The following GARIN5B variants were observed in gnomAD, a reference collection of about 807,000 sequenced individuals.
GARIN5B encodes the protein golgi associated RAB2 interactor family member 5B, also known as Golgi-associated RAB2 interactor protein 5B.
At chr19:55,359,543 G>A in the GARIN5B span, 1 of 1,551,460 alleles carries the variant, frequency 6.4e-7, no homozygotes, top group Non-Finnish European at 8.7e-7. Context: ...CGCAGCTGGG[G>A]CCTTCTGGGG....
At chr19:55,361,463 C>A in the GARIN5B span, 1 of 1,467,688 alleles carries the variant, frequency 6.8e-7, no homozygotes, top group Non-Finnish European at 9.0e-7. Flanking sequence ...GCAGGAGGGG[C>A]CCGGGCTTCC....
the GARIN5B span, among the ~76,000 whole-genome samples, chr19:55,356,258 T>G: frequency 6.6e-6 from 1 of 151,852 alleles, no homozygotes; most frequent in African/African-American, 2.4e-5. Flanking sequence ...TTGCCCAGGC[T>G]GCAGTGCAGT....
At chr19:55,361,235 C>T in the GARIN5B span, 2 of 1,551,018 alleles carry the variant, frequency 1.3e-6, no homozygotes, top group South Asian at 1.2e-5. Flanking sequence ...CTCAGCAACC[C>T]TGACTGGGAA....
chr19:55,359,307 AC>A, the GARIN5B span: 2 of 1,548,618 alleles, frequency 1.3e-6, no homozygotes, highest in African/African-American at 2.8e-5. Flanking sequence ...GCAGTGGGGG[AC>A]ACAGCCTTCT....
the GARIN5B span, chr19:55,362,116 CCT>C: frequency 7.9e-7 from 1 of 1,273,536 alleles, no homozygotes; most frequent in South Asian, 1.7e-5. Flanking sequence ...GCCCCCAGCC[CCT>C]CCTCCCTCTA....
chr19:55,357,391 CT>C, the GARIN5B span, among the ~76,000 whole-genome samples: 3 of 152,340 alleles, frequency 2.0e-5, no homozygotes, highest in South Asian at 6.2e-4. Flanking sequence ...GGGCGCCCCC[CT>C]GCTGCACCTC....
At chr19:55,362,380 G>A in the GARIN5B span, 6 of 1,550,438 alleles carry the variant, frequency 3.9e-6, no homozygotes, top group African/African-American at 1.4e-5. Flanking sequence ...GGAACAGGAA[G>A]CCCACCTCGT....
At chr19:55,363,192 G>C in the GARIN5B span, 3 of 1,014,334 alleles carry the variant, frequency 3.0e-6, no homozygotes, top group Non-Finnish European at 1.3e-6. This position sits in a 1 kb window ranked among gnomAD's most constrained non-coding sequence, Gnocchi z 4.0. Context: ...GTTACAGAGC[G>C]TGGAGATGCC....
chr19:55,362,592 G>A, the GARIN5B span: 1 of 1,544,204 alleles, frequency 6.5e-7, no homozygotes, highest in South Asian at 1.2e-5. Flanking sequence ...TCAGCACGAG[G>A]CCGGAGCAGT....
chr19:55,360,817 C>T, the GARIN5B span: 1 of 1,550,880 alleles, frequency 6.4e-7, no homozygotes, highest in Admixed American at 2.0e-5. Context: ...ACCAGAGCCA[C>T]ACACTGTGGC....
the GARIN5B span, among the ~76,000 whole-genome samples, chr19:55,356,731 A>G: frequency 1.1e-4 from 17 of 152,166 alleles, no homozygotes; most frequent in African/African-American, 3.9e-4. Flanking sequence ...ACCTAGTTCC[A>G]GGGCATTTGT....
the GARIN5B span, among the ~76,000 whole-genome samples, chr19:55,357,076 G>A: frequency 0.056 from 8,566 of 152,180 alleles, 321 homozygotes; most frequent in Middle Eastern, 0.13. Context: ...GAGGAAGGGA[G>A]GGGAGAGGAC....
At chr19:55,362,423 C>G in the GARIN5B span, 1 of 1,550,412 alleles carries the variant, frequency 6.4e-7, no homozygotes, top group Middle Eastern at 1.7e-4. Flanking sequence ...GTAGTACTGG[C>G]GGCCCGAGAC....
chr19:55,359,015 T>C, the GARIN5B span: 5 of 1,551,196 alleles, frequency 3.2e-6, no homozygotes, highest in Non-Finnish European at 4.4e-6. Context: ...CTTGGACTCC[T>C]TCTTGGTCAC....
the GARIN5B span, chr19:55,361,564 TC>T: frequency 3.3e-6 from 3 of 918,024 alleles, no homozygotes; most frequent in Non-Finnish European, 4.7e-6. Flanking sequence ...GACCCAGGAG[TC>T]CAGGCCCCCA....
chr19:55,361,510 C>G, the GARIN5B span: 5 of 1,391,524 alleles, frequency 3.6e-6, no homozygotes, highest in Middle Eastern at 2.3e-4. Flanking sequence ...GGCCTAGGCC[C>G]CCTCCTGCTC....
chr19:55,359,165 G>A, the GARIN5B span: 1 of 1,551,236 alleles, frequency 6.4e-7, no homozygotes, highest in African/African-American at 1.4e-5. Flanking sequence ...AATTCCTGTT[G>A]GCAACACGTC....
chr19:55,358,666 C>T, the GARIN5B span: 11 of 1,551,448 alleles, frequency 7.1e-6, no homozygotes, highest in Non-Finnish European at 9.6e-6. Flanking sequence ...CTGAAGCCAT[C>T]ATTGACGTGG....
At chr19:55,359,605 C>T in the GARIN5B span, 1 of 1,551,302 alleles carries the variant, frequency 6.4e-7, no homozygotes, top group South Asian at 1.2e-5. Context: ...CAGCTGGGAG[C>T]TTCTGGGACT....
Sources: allele counts gnomAD v4.1 joint callset (sites outside exome capture counted in the v4.1 genomes callset), GRCh38; gene constraint gnomAD v4.1.1; non-coding constraint Gnocchi (gnomAD v3.1); transcripts MANE v1.5; gene names NCBI Gene and HGNC (gene_info 2026-07-23, HGNC 2026-07-21).